The following PLEKHA3 variants were observed in gnomAD, a reference collection of about 807,000 sequenced individuals.
PLEKHA3 encodes the protein pleckstrin homology domain-containing family A member 3.
A neutral mutation model predicts 39.2 loss-of-function variants in PLEKHA3; 19 were observed. The observed-to-expected ratio is 0.48, with a 90% CI of 0.34 to 0.71. The LOEUF (loss-of-function observed/expected upper bound fraction) is 0.71. PLEKHA3 is among the 30% of genes least tolerant of loss of function. The pLI is 0.01. For synonymous variants in PLEKHA3, 97 were observed against 118.6 expected, an observed-to-expected ratio of 0.82 and a Z score of 1.18; for missense variants, 253 against 359.5, an observed-to-expected ratio of 0.70 and a Z score of 2.40.
Position 178,480,619 on chromosome 2 carries a change from G to A in PLEKHA3, c.-251G>A, listed in dbSNP as rs1011705050. 11 of 304,248 alleles carry A rather than the reference G, an allele frequency of 3.6e-5. No homozygotes were observed. The highest frequency in any genetic ancestry group is 2.4e-4 in the African/African-American group (11 of 45,488). 18.8% of individuals were successfully genotyped at this position (304,248 alleles called of 1,614,324 possible). A position where few individuals can be genotyped will look rare whatever the true frequency, so the allele number is the denominator to read the frequency against. ...TCGCGGGCGCATTTTTGCCGTTGTCGCGGCCGCCGCCGCCGAGGCTTACCC... is the reference window on the plus strand; with the variant it reads ...TCGCGGGCGCATTTTTGCCGTTGTCACGGCCGCCGCCGCCGAGGCTTACCC... On this transcript the variant is annotated 5_prime_UTR_variant, in exon 1 of 8. Coordinates refer to ENST00000234453, the MANE Select transcript of PLEKHA3 (RefSeq NM_019091.4).
intron 7 of PLEKHA3, among the ~76,000 whole-genome samples, chr2:178,502,799 C>G (rs1438437111): frequency 6.8e-6 from 1 of 146,466 alleles, no homozygotes; most frequent in African/African-American, 2.7e-5. Context: ...GTCTCACACA[C>G]ACACACACGC....
chr2:178,488,118 GA>G (rs956041867), intron 2 of PLEKHA3, among the ~76,000 whole-genome samples: 53 of 142,918 alleles, frequency 3.7e-4, no homozygotes, highest in Admixed American at 7.0e-4. Context: ...CCACAAAAAG[GA>G]AAAAAAAAAA....
At position 178,516,223 on chromosome 2, in the gene PLEKHA3, GC is replaced by G. The variant is rs1685762665; in HGVS notation, c.*12337del. The G allele has an allele frequency of 1.3e-5, 2 of 152,036 alleles. No individual in the cohort carries two copies. Among genetic ancestry groups the G allele is most frequent in the South Asian group, 4.1e-4 (2 of 4,826 alleles). 9.4% of individuals were successfully genotyped at this position (152,036 alleles called of 1,614,324 possible). ...TCTAAATTAACTTAGAAACCTAATA[GC>G]AAATACAGATTTTGATTGCTATAAC... On this transcript the variant is annotated 3_prime_UTR_variant, in exon 8 of 8. Transcript: ENST00000234453.
At chr2:178,490,618 T>C in intron 2 of PLEKHA3, 41 bp from the exon 3 acceptor site, 1 of 1,575,770 alleles carries the variant, frequency 6.3e-7, no homozygotes, top group Non-Finnish European at 8.7e-7. Context: ...CTTAAATTAC[T>C]TAAGTCTATA....
intron 3 of PLEKHA3, 41 bp downstream of exon 3, chr2:178,490,855 A>G (rs1187401056): frequency 2.7e-6 from 4 of 1,457,394 alleles, no homozygotes; most frequent in Non-Finnish European, 3.7e-6. Context: ...GTACTTTCTT[A>G]AATATAAATA....
In PLEKHA3 at chr2:178,514,176, C is replaced by T. The variant is rs1301366127; in HGVS notation, c.*10289C>T. On this transcript the variant is annotated 3_prime_UTR_variant, in exon 8 of 8. Transcript: ENST00000234453. ...CACTTACTGTGGTTTACCATCATGA[C>T]CATGGATAGCAAACTGCCTTTTTTT... 1.3e-5 allele frequency: 2 copies of T among 148,998 alleles called. No homozygotes were observed. The highest frequency in any genetic ancestry group is 3.9e-4 in the East Asian group (2 of 5,162). 9.2% of individuals were successfully genotyped at this position (148,998 alleles called of 1,614,324 possible).
At chr2:178,490,627 T>C (rs1685328875) in intron 2 of PLEKHA3, 32 bp from the exon 3 acceptor site, 1 of 1,597,044 alleles carries the variant, frequency 6.3e-7, no homozygotes, top group Non-Finnish European at 8.6e-7. Flanking sequence ...CTTAAGTCTA[T>C]AACTGTATTT....
Position 178,493,834 on chromosome 2 carries a change from TTATG to T in PLEKHA3, c.314-15_314-12del. On this transcript the variant is annotated splice_polypyrimidine_tract_variant and intron_variant, in intron 3 of 7. Coordinates refer to ENST00000234453, the MANE Select transcript of PLEKHA3 (RefSeq NM_019091.4). The stretch of plus-strand genomic sequence containing the variant: ...ATATGAAAATGATCTAACTGTATAT[TTATG>T]TATATTCTTTTCAGAAATAAGTGAA... 1 of 1,598,806 alleles carries T rather than the reference TTATG, an allele frequency of 6.3e-7. No individual in the cohort carries two copies. Among genetic ancestry groups the T allele is most frequent in the African/African-American group, 1.3e-5 (1 of 74,560 alleles).
Position 178,511,114 on chromosome 2 carries a change from C to T in PLEKHA3, c.*7227C>T, listed in dbSNP as rs1445773468. 1 of 152,178 alleles carries T rather than the reference C, an allele frequency of 6.6e-6. No homozygotes were observed. Among genetic ancestry groups the T allele is most frequent in the African/African-American group, 2.4e-5 (1 of 41,438 alleles). The allele number at this position is 152,178 out of a possible 1,614,324, so 9.4% of individuals were successfully genotyped here. A position where few individuals can be genotyped will look rare whatever the true frequency, so the allele number is the denominator to read the frequency against. On this transcript the variant is annotated 3_prime_UTR_variant, in exon 8 of 8. Transcript: ENST00000234453. ...GAAGTGGGAGTAGGTAACCATACTA[C>T]TCTTTCTACGGCTACAGAGCCGCAT...
chr2:178,503,960 G>T lies in PLEKHA3; in HGVS notation c.*73G>T, dbSNP rs1170779085. 6.4e-7 allele frequency: 1 copy of T among 1,554,538 alleles called. No individual in the cohort carries two copies. The highest frequency in any genetic ancestry group is 1.4e-5 in the African/African-American group (1 of 73,168). ...GCTGTAATTAAACTATTGTTATAGG[G>T]AGTAGTTTTTTCCCTTAGGACTCTG... is the stretch of plus-strand genomic sequence containing the variant. On this transcript the variant is annotated 3_prime_UTR_variant, in exon 8 of 8. Transcript: ENST00000234453.
intron 5 of PLEKHA3, among the ~76,000 whole-genome samples, chr2:178,496,724 A>G (rs182320037): frequency 6.6e-6 from 1 of 151,676 alleles, no homozygotes; most frequent in South Asian, 2.1e-4. Context: ...TTATTTATTT[A>G]TTTTTTTAGA....
rs576131316 is a variant in PLEKHA3 at position 178,506,586 on chromosome 2, A to G, written c.*2699A>G. On this transcript the variant is annotated 3_prime_UTR_variant, in exon 8 of 8. Transcript: ENST00000234453. ...TCAGTATGTATTATCACATTTAGAA[A>G]TGTAAAAATCACAAGATCTCAGGAA... The G allele has an allele frequency of 6.6e-6, 1 of 152,348 alleles. No homozygotes were observed. 9.4% of individuals were successfully genotyped at this position (152,348 alleles called of 1,614,324 possible).
rs1190524614 is a variant in PLEKHA3, at chr2:178,513,857, A to G, written c.*9970A>G. 6.6e-6 allele frequency: 1 copy of G among 152,054 alleles called. No homozygotes were observed. 9.4% of individuals were successfully genotyped at this position (152,054 alleles called of 1,614,324 possible). On this transcript the variant is annotated 3_prime_UTR_variant, in exon 8 of 8. Coordinates refer to ENST00000234453, the MANE Select transcript of PLEKHA3 (RefSeq NM_019091.4). Reference sequence around the variant, plus strand: ...CATGTCCATGTAATTAAAAGTCTTCATTTGACAAATTTATATGGTAAATGA... The same window carrying G: ...CATGTCCATGTAATTAAAAGTCTTCGTTTGACAAATTTATATGGTAAATGA...
chr2:178,488,711 T>C (rs544794809), intron 2 of PLEKHA3, among the ~76,000 whole-genome samples: 13 of 152,372 alleles, frequency 8.5e-5, no homozygotes, highest in African/African-American at 3.1e-4. Flanking sequence ...GTAAGCCCTT[T>C]GCATTTCCTT....
Position 178,490,647 on chromosome 2 carries a change from T to TGCA in PLEKHA3, c.158-12_158-11insGCA, listed in dbSNP as rs776966115. 4 of 1,609,248 alleles carry TGCA rather than the reference T, an allele frequency of 2.5e-6. No homozygotes were observed. The East Asian group carries it at 8.9e-5, about 36-fold the overall frequency. ...GTCTATAACTGTATTTCCCCTTTGT[T>TGCA]TATCATCATAGTTCATTCAGCAGAC... On this transcript the variant is annotated splice_polypyrimidine_tract_variant and intron_variant, in intron 2 of 7. Coordinates refer to ENST00000234453, the MANE Select transcript of PLEKHA3 (RefSeq NM_019091.4).
At position 178,504,447 on chromosome 2, in the gene PLEKHA3, T is replaced by A. The variant is rs1483056424; in HGVS notation, c.*560T>A. The A allele has an allele frequency of 6.6e-6, 1 of 152,420 alleles. No individual in the cohort carries two copies. Among genetic ancestry groups the A allele is most frequent in the Non-Finnish European group, 1.5e-5 (1 of 67,870 alleles). 9.4% of individuals were successfully genotyped at this position (152,420 alleles called of 1,614,324 possible). On this transcript the variant is annotated 3_prime_UTR_variant, in exon 8 of 8. Coordinates refer to ENST00000234453, the MANE Select transcript of PLEKHA3 (RefSeq NM_019091.4). ...ATTGAGCATCTTTAAATAACCAGACTGTATTGTCCTTCATATGTGAAGTTG... is the reference window on the plus strand; with the variant it reads ...ATTGAGCATCTTTAAATAACCAGACAGTATTGTCCTTCATATGTGAAGTTG...
rs1685529964 is a variant in PLEKHA3 at position 178,501,544 on chromosome 2, A to G, written c.775+368A>G. 2.6e-5 allele frequency among the ~76,000 whole-genome samples: 4 copies of G among 152,018 alleles called. No homozygotes were observed. The South Asian group carries it at 8.3e-4, about 31-fold the overall frequency. ...GTTCCAAGTTCATATAAAAGTCAGC[A>G]TTGTTACTTTACTAAAATACCTAGA... On this transcript the variant is annotated intron_variant, in intron 7 of 7. Coordinates refer to ENST00000234453, the MANE Select transcript of PLEKHA3 (RefSeq NM_019091.4).
intron 1 of PLEKHA3, among the ~76,000 whole-genome samples, chr2:178,483,663 T>G (rs1385127189): frequency 6.6e-6 from 1 of 152,242 alleles, no homozygotes; most frequent in Non-Finnish European, 1.5e-5. Flanking sequence ...CACCACCCCC[T>G]GCTTATAATT....
Position 178,515,892 on chromosome 2 carries a change from C to T in PLEKHA3, c.*12005C>T, listed in dbSNP as rs951969178. 1.3e-5 allele frequency: 2 copies of T among 151,980 alleles called. No homozygotes were observed. Among genetic ancestry groups the T allele is most frequent in the Non-Finnish European group, 2.9e-5 (2 of 67,964 alleles). 9.4% of individuals were successfully genotyped at this position (151,980 alleles called of 1,614,324 possible). A position where few individuals can be genotyped will look rare whatever the true frequency, so the allele number is the denominator to read the frequency against. ...ACCCTAACTATTGTTTTAACCTAAA[C>T]ATAAATAAGCAAGCATTAGAAAGTA... On this transcript the variant is annotated 3_prime_UTR_variant, in exon 8 of 8. Transcript: ENST00000234453.
Sources: gnomAD v4.1 joint callset for allele counts (sites outside exome capture counted in the v4.1 genomes callset) on GRCh38, gnomAD v4.1.1 for gene constraint, MANE v1.5 for transcripts, NCBI Gene and HGNC (gene_info 2026-07-23, HGNC 2026-07-21) for gene names.